The following SV2B variants were observed in gnomAD, a reference collection of about 807,000 sequenced individuals.
SV2B encodes the protein solute carrier family 22 member B2.
In SV2B, 41 loss-of-function variants were observed where a neutral mutation model predicts 73.9. The observed-to-expected ratio is 0.56, with a 90% CI of 0.43 to 0.72. SV2B has a LOEUF of 0.72. SV2B is among the 30% of genes least tolerant of loss of function. The pLI is 0.00. For missense variants in SV2B, 764 were observed against 857.8 expected (o/e 0.89, Z 1.37); for synonymous variants, 314 against 314.2 (o/e 1.00, Z 0.01).
chr15:91,204,089 T>G (rs2045554293), intron 1 of SV2B, among the ~76,000 whole-genome samples: 2 of 152,162 alleles, frequency 1.3e-5, no homozygotes, highest in South Asian at 4.1e-4. Context: ...TCTTTCAAAC[T>G]GCTAGTGGGC....
chr15:91,139,897 G>T lies in SV2B; in HGVS notation c.-392+39534G>T, dbSNP rs79977430. Among the ~76,000 whole-genome samples, 17,107 of 152,174 alleles carry T rather than the reference G, an allele frequency of 0.11. 1,022 individuals carry two copies. The highest frequency in any genetic ancestry group is 0.13 in the Middle Eastern group (37 of 294). On this transcript the variant is annotated intron_variant, in intron 1 of 12. Coordinates refer to ENST00000394232, the MANE Select transcript of SV2B (RefSeq NM_001323032.3). This position sits in a 1 kb window ranked among gnomAD's most constrained non-coding sequence, Gnocchi z 5.2. ...GTAGCCAAGGAAGGGAGGAAGATCC[G>T]GCCACTTTGTTCCTAGAGTTTGGTG...
rs1256749054 is a variant in SV2B, at chr15:91,197,958, T to C, written c.-391-27915T>C. Among the ~76,000 whole-genome samples the C allele has an allele frequency of 6.6e-6, 1 of 152,070 alleles. No homozygotes were observed. The highest frequency in any genetic ancestry group is 1.5e-5 in the Non-Finnish European group (1 of 68,008). Reference sequence around the variant, plus strand: ...CTGAAGCAGGAGAATCTCTTGAACCTGGGAGGCTGGAGGTTACAGTGAACC... The same window carrying C: ...CTGAAGCAGGAGAATCTCTTGAACCCGGGAGGCTGGAGGTTACAGTGAACC... On this transcript the variant is annotated intron_variant, in intron 1 of 12. Coordinates refer to ENST00000394232, the MANE Select transcript of SV2B (RefSeq NM_001323032.3). This position sits in a 1 kb window ranked among gnomAD's most constrained non-coding sequence, Gnocchi z 4.9.
chr15:91,122,669 G>C lies in SV2B; in HGVS notation c.-392+22306G>C, dbSNP rs1030539205. Among the ~76,000 whole-genome samples the C allele has an allele frequency of 1.3e-5, 2 of 152,180 alleles. No homozygotes were observed. The highest frequency in any genetic ancestry group is 2.9e-5 in the Non-Finnish European group (2 of 68,030). ...GCTCATCTTCCCCAATCATTTGTCT[G>C]TTCTTAGTCCTGTACTTTCCAAGAC... On this transcript the variant is annotated intron_variant, in intron 1 of 12. Transcript: ENST00000394232. The surrounding 1 kb of genome is among the most constrained non-coding windows in gnomAD (Gnocchi z 4.3).
In SV2B at chr15:91,276,802, G is replaced by GTTATTATTA. The variant is rs1464096663; in HGVS notation, c.1374-4924_1374-4923insATTATTATT. Among the ~76,000 whole-genome samples the GTTATTATTA allele has an allele frequency of 3.3e-3, 187 of 56,780 alleles. 1 individual carries two copies. The highest frequency in any genetic ancestry group is 0.012 in the African/African-American group (183 of 15,116). 37.2% of individuals were successfully genotyped at this position (56,780 alleles called of 152,430 possible). On this transcript the variant is annotated intron_variant, in intron 9 of 12. Transcript: ENST00000394232. ...TAGTTCCAGTATTTATATTATTGTTGTTGTTATTATTATTATTATTATTAT... is the reference window on the plus strand; with the variant it reads ...TAGTTCCAGTATTTATATTATTGTTGTTATTATTATTGTTATTATTATTATTATTATTAT...
At chr15:91,168,301 C>CGAGAGAGAGAGGGAGAGAGAGAGA (rs2043988065) in intron 1 of SV2B, among the ~76,000 whole-genome samples, 1 of 137,200 alleles carries the variant, frequency 7.3e-6, no homozygotes, top group African/African-American at 2.8e-5. Context: ...TGGTGAGATA[C>CGAGAGAGAGAGGGAGAGAGAGAGA]GAGAGAGAGA....
At chr15:91,215,960 CA>C (rs1229838879) in intron 1 of SV2B, among the ~76,000 whole-genome samples, 1 of 151,974 alleles carries the variant, frequency 6.6e-6, no homozygotes, top group Non-Finnish European at 1.5e-5. Context: ...TTTTCTCCAG[CA>C]AAAAAATTCG....
intron 1 of SV2B, among the ~76,000 whole-genome samples, chr15:91,161,597 A>G (rs556807580): frequency 1.3e-5 from 2 of 152,324 alleles, no homozygotes; most frequent in East Asian, 1.9e-4. Context: ...TCTCACAACA[A>G]CACTGGGATG....
intron 1 of SV2B, among the ~76,000 whole-genome samples, chr15:91,215,425 C>T (rs2045991607): frequency 6.6e-6 from 1 of 152,132 alleles, no homozygotes; most frequent in South Asian, 2.1e-4. Flanking sequence ...TGATTCTCTC[C>T]TGCAGGTGGT....
In SV2B at chr15:91,177,209, C is replaced by T. The variant is rs549970154; in HGVS notation, c.-391-48664C>T. Among the ~76,000 whole-genome samples, 159 of 151,962 alleles carry T rather than the reference C, an allele frequency of 1.0e-3. 2 individuals carry two copies. Among genetic ancestry groups the T allele is most frequent in the African/African-American group, 3.5e-3 (145 of 41,400 alleles). ...CAAAGATCAGATAGTTGTAAATATGCGGCATTATTTCTGAGGGCTCTGTTC... is the reference window on the plus strand; with the variant it reads ...CAAAGATCAGATAGTTGTAAATATGTGGCATTATTTCTGAGGGCTCTGTTC... On this transcript the variant is annotated intron_variant, in intron 1 of 12. Transcript: ENST00000394232.
chr15:91,174,271 T>C (rs2044225221), intron 1 of SV2B, among the ~76,000 whole-genome samples: 1 of 152,254 alleles, frequency 6.6e-6, no homozygotes, highest in African/African-American at 2.4e-5. Flanking sequence ...GATTCTCAGC[T>C]TCACTCTCTT....
chr15:91,280,320 T>TCAG lies in SV2B; in HGVS notation c.1374-1405_1374-1403dup, dbSNP rs2048643867. ...CCCTTTTGAAAAGGAACAATGGCCA[T>TCAG]CAGCACCCTGTGCTATCTCTGTCAT... On this transcript the variant is annotated intron_variant, in intron 9 of 12. Coordinates refer to ENST00000394232, the MANE Select transcript of SV2B (RefSeq NM_001323032.3). This position sits in a 1 kb window ranked among gnomAD's most constrained non-coding sequence, Gnocchi z 5.8. Among the ~76,000 whole-genome samples, 1 of 152,190 alleles carries TCAG rather than the reference T, an allele frequency of 6.6e-6. No homozygotes were observed. The highest frequency in any genetic ancestry group is 1.5e-5 in the Non-Finnish European group (1 of 68,024).
At chr15:91,167,083 G>A (rs1390375450) in intron 1 of SV2B, among the ~76,000 whole-genome samples, 1 of 152,088 alleles carries the variant, frequency 6.6e-6, no homozygotes, top group African/African-American at 2.4e-5. Context: ...AAAGTGCTGG[G>A]ATTACAGGCG....
At chr15:91,145,376 A>G in intron 1 of SV2B, among the ~76,000 whole-genome samples, 1 of 152,106 alleles carries the variant, frequency 6.6e-6, no homozygotes, top group African/African-American at 2.4e-5. Flanking sequence ...CATTTTCTTT[A>G]TTCAGTGTAC....
chr15:91,286,138 G>T (rs2048853027), intron 11 of SV2B, among the ~76,000 whole-genome samples: 1 of 152,144 alleles, frequency 6.6e-6, no homozygotes, highest in Admixed American at 6.5e-5. Context: ...GACCTTCTTT[G>T]TCTCTCTACC....
At chr15:91,133,070 T>G (rs1035964114) in intron 1 of SV2B, among the ~76,000 whole-genome samples, 9 of 152,204 alleles carry the variant, frequency 5.9e-5, no homozygotes, top group Admixed American at 5.2e-4. Context: ...TTATTCACAT[T>G]TTGCAGGCGG....
rs112040724 is a variant in SV2B, at chr15:91,153,579, T to C, written c.-392+53216T>C. ...TGGAAAACTGTTAGCTCCATGTCTGTCATAGACAGTTTTCCACAGCTCTGA... is the reference window on the plus strand; with the variant it reads ...TGGAAAACTGTTAGCTCCATGTCTGCCATAGACAGTTTTCCACAGCTCTGA... On this transcript the variant is annotated intron_variant, in intron 1 of 12. Coordinates refer to ENST00000394232, the MANE Select transcript of SV2B (RefSeq NM_001323032.3). Among the ~76,000 whole-genome samples the C allele has an allele frequency of 5.7e-3, 871 of 152,288 alleles. 11 individuals carry two copies. Among genetic ancestry groups the C allele is most frequent in the African/African-American group, 0.02 (822 of 41,554 alleles).
rs1474522028 is a variant in SV2B at position 91,284,597 on chromosome 15, A to G, written c.1708+376A>G. The stretch of plus-strand genomic sequence containing the variant: ...GTGATGGTTTGATGTTTGAAGATAA[A>G]TTGTGTTACTTTTATTATTTAATAG... On this transcript the variant is annotated intron_variant, in intron 11 of 12. Coordinates refer to ENST00000394232, the MANE Select transcript of SV2B (RefSeq NM_001323032.3). This position sits in a 1 kb window ranked among gnomAD's most constrained non-coding sequence, Gnocchi z 4.5. Among the ~76,000 whole-genome samples, 2 of 152,188 alleles carry G rather than the reference A, an allele frequency of 1.3e-5. No individual in the cohort carries two copies. The highest frequency in any genetic ancestry group is 4.8e-5 in the African/African-American group (2 of 41,448).
Position 91,240,053 on chromosome 15 carries a change from C to T in SV2B, c.452-11766C>T, listed in dbSNP as rs2046945483. ...GGTTGAGTGTGTCTGAGGAGGCAAT[C>T]TCTCTGAACACGTTTAATACCTGAA... On this transcript the variant is annotated intron_variant, in intron 2 of 12. Transcript: ENST00000394232. The surrounding 1 kb of genome is among the most constrained non-coding windows in gnomAD (Gnocchi z 4.6). 6.6e-6 allele frequency among the ~76,000 whole-genome samples: 1 copy of T among 152,156 alleles called. No individual in the cohort carries two copies. The highest frequency in any genetic ancestry group is 2.1e-4 in the South Asian group (1 of 4,828).
rs747616180 is a variant in SV2B, at chr15:91,290,642, C to T, written c.1868+962C>T. On this transcript the variant is annotated intron_variant, in intron 12 of 12. Coordinates refer to ENST00000394232, the MANE Select transcript of SV2B (RefSeq NM_001323032.3). The surrounding 1 kb of genome is among the most constrained non-coding windows in gnomAD (Gnocchi z 4.7). The stretch of plus-strand genomic sequence containing the variant: ...TTGATATCCATTTAATAATGGCAGA[C>T]GTCATAAAATAATTAGGGATCAACT... 5.9e-5 allele frequency among the ~76,000 whole-genome samples: 9 copies of T among 151,900 alleles called. No individual in the cohort carries two copies. Among genetic ancestry groups the T allele is most frequent in the Non-Finnish European group, 1.2e-4 (8 of 67,986 alleles).
Sources: gnomAD v4.1 joint callset for allele counts (sites outside exome capture counted in the v4.1 genomes callset) on GRCh38, gnomAD v4.1.1 for gene constraint, Gnocchi (gnomAD v3.1) non-coding constraint, MANE v1.5 for transcripts, NCBI Gene and HGNC (gene_info 2026-07-23, HGNC 2026-07-21) for gene names.